Variants in DOK4 observed in about 807,000 individuals in gnomAD.
DOK4 encodes docking protein 4.
DOK4 carries 26 observed loss-of-function variants against 40.1 expected under a neutral mutation model. That is an observed-to-expected ratio of 0.65 (90% CI 0.48 to 0.90). DOK4 has a LOEUF of 0.90. Ranked by LOEUF, DOK4 falls within the 40% of genes least tolerant of loss-of-function variation. The probability of loss-of-function intolerance (pLI) is 0.00; values close to 1 mark genes in which losing one functional copy is unlikely to be tolerated. For missense variants in DOK4, 392 were observed against 437.2 expected (o/e 0.90, Z 0.92); for synonymous variants, 179 against 177.0 (o/e 1.01, Z -0.09).
In DOK4 at chr16:57,479,409, G is replaced by T; in HGVS notation, c.66+33C>A. 1 of 1,610,548 alleles carries T rather than the reference G, an allele frequency of 6.2e-7. No homozygotes were observed. The highest frequency in any genetic ancestry group is 1.1e-5 in the South Asian group (1 of 90,890). The stretch of plus-strand genomic sequence containing the variant: ...CCGAGTCCTCGGGCCCCCATCCCTT[G>T]GCAGGGCCCCTCCGCAGCTCAGGGT... On this transcript the variant is annotated intron_variant, in intron 2 of 8. Transcript: ENST00000340099. The surrounding 1 kb of genome is among the most constrained non-coding windows in gnomAD (Gnocchi z 5.8).
At chr16:57,476,820 C>T (rs1390732207) in intron 2 of DOK4, among the ~76,000 whole-genome samples, 2 of 152,210 alleles carry the variant, frequency 1.3e-5, no homozygotes, top group African/African-American at 2.4e-5. Flanking sequence ...TTCAGGGACT[C>T]CCCCAAGGGG....
Position 57,486,153 on chromosome 16 carries a change from A to C in DOK4, c.-182+152T>G, listed in dbSNP as rs556595068. 3.3e-5 allele frequency among the ~76,000 whole-genome samples: 5 copies of C among 152,050 alleles called. No homozygotes were observed. The East Asian group carries it at 9.7e-4, about 29-fold the overall frequency. On this transcript the variant is annotated intron_variant, in intron 1 of 8. Coordinates refer to ENST00000340099, the Ensembl canonical transcript of DOK4. ...CTGGCTTTTGGGGGGCGGGTCTCTA[A>C]GCTCCCCACCCGAGAGTAGGAAGGT...
At position 57,474,262 on chromosome 16, in the gene DOK4, C is replaced by T. The variant is rs537324333; in HGVS notation, c.600-223G>A. On this transcript the variant is annotated intron_variant, in intron 6 of 8. Transcript: ENST00000340099. Reference sequence around the variant, plus strand: ...TAAGAATTAACCCATTCAGTTTTCTCTACCACCTCCCTCTGGTCTCTGTAC... The same window carrying T: ...TAAGAATTAACCCATTCAGTTTTCTTTACCACCTCCCTCTGGTCTCTGTAC... 2.6e-5 allele frequency among the ~76,000 whole-genome samples: 4 copies of T among 152,324 alleles called. No individual in the cohort carries two copies. In the South Asian group the frequency reaches 8.3e-4, roughly 32 times the overall value.
intron 1 of DOK4, among the ~76,000 whole-genome samples, chr16:57,484,859 T>C (rs1198140579): frequency 6.6e-6 from 1 of 152,232 alleles, no homozygotes; most frequent in Non-Finnish European, 1.5e-5. Flanking sequence ...TGTTCTTACA[T>C]CTGTCCATTT....
chr16:57,476,020 C>T, intron 2 of DOK4, 63 bp from the exon 3 acceptor site: 1 of 1,380,340 alleles, frequency 7.2e-7, no homozygotes. Flanking sequence ...CAGCATGGCC[C>T]TGCAGCCACC....
chr16:57,479,561 C>T lies in DOK4; in HGVS notation c.-54G>A. On this transcript the variant is annotated 5_prime_UTR_variant, in exon 2 of 9. Coordinates refer to ENST00000340099, the Ensembl canonical transcript of DOK4. This position sits in a 1 kb window ranked among gnomAD's most constrained non-coding sequence, Gnocchi z 5.8. ...CCTGGCAGAGGCGAGGGGAAGGATG[C>T]CCAGGTGCCTGGGTCTCCGGCTCCT... 1.4e-5 allele frequency: 22 copies of T among 1,596,948 alleles called. No individual in the cohort carries two copies. The highest frequency in any genetic ancestry group is 1.9e-5 in the Non-Finnish European group (22 of 1,168,368).
intron 2 of DOK4, among the ~76,000 whole-genome samples, chr16:57,477,764 C>T (rs1366427010): frequency 1.3e-5 from 2 of 152,212 alleles, no homozygotes; most frequent in Admixed American, 6.5e-5. Flanking sequence ...TCTCTTTCAG[C>T]CCCTCCCCCC....
chr16:57,476,783 C>T (rs2031199590), intron 2 of DOK4, among the ~76,000 whole-genome samples: 1 of 152,204 alleles, frequency 6.6e-6, no homozygotes, highest in African/African-American at 2.4e-5. Context: ...TGCCCCTGTA[C>T]CTTAAACTAC....
intron 1 of DOK4, among the ~76,000 whole-genome samples, chr16:57,483,722 C>T (rs899017933): frequency 5.3e-5 from 8 of 152,172 alleles, no homozygotes; most frequent in African/African-American, 1.4e-4. Flanking sequence ...AGCCCCTGCC[C>T]TGTTTGTCCC....
chr16:57,483,921 C>G (rs910563754), intron 1 of DOK4: 2 of 152,304 alleles, frequency 1.3e-5, no homozygotes, highest in African/African-American at 4.8e-5. Flanking sequence ...CACCTCCCAG[C>G]CTGGTACCAA....
chr16:57,473,701 G>A (rs2030994214), exon 8 of DOK4: 1 of 1,614,042 alleles, frequency 6.2e-7, no homozygotes, highest in Non-Finnish European at 8.5e-7. Context: ...TGGGTGTGCA[G>A]GGATACGAGT....
intron 1 of DOK4, among the ~76,000 whole-genome samples, chr16:57,482,369 T>G (rs575294485): frequency 6.4e-5 from 9 of 140,926 alleles, no homozygotes; most frequent in African/African-American, 2.1e-4. Flanking sequence ...TTTTGTTTTT[T>G]TTTTTTTTTT....
chr16:57,487,135 C>G (rs888187958), upstream of DOK4: 2 of 149,350 alleles, frequency 1.3e-5, no homozygotes. Context: ...ACTCACTGAT[C>G]TGTCGGAATC....
At chr16:57,481,696 G>A (rs1236745570) in intron 1 of DOK4, 1 of 152,208 alleles carries the variant, frequency 6.6e-6, no homozygotes, top group Admixed American at 6.5e-5. Flanking sequence ...AGCACAGCCC[G>A]GAGTGTGAAT....
intron 6 of DOK4, among the ~76,000 whole-genome samples, chr16:57,474,375 C>T (rs2031042978): frequency 1.3e-5 from 2 of 152,090 alleles, no homozygotes; most frequent in Non-Finnish European, 2.9e-5. Context: ...GTAACTCAAC[C>T]AAGGTTCTGC....
chr16:57,475,695 T>TCTCTCTCC lies in DOK4; in HGVS notation c.175-76_175-75insGGAGAGAG, dbSNP rs1165529306. The TCTCTCTCC allele has an allele frequency of 1.4e-4, 101 of 738,172 alleles. No individual in the cohort carries two copies. The East Asian group carries it at 2.1e-3, about 15-fold the overall frequency. 45.7% of individuals were successfully genotyped at this position (738,172 alleles called of 1,614,324 possible). On this transcript the variant is annotated intron_variant, in intron 3 of 8. Transcript: ENST00000340099. ...CTCTCTCTCTCTCTCTCTCTCTCTCTCCCTCCCTCCCTCTCTCCCCCCTCC... is the reference window on the plus strand; with the variant it reads ...CTCTCTCTCTCTCTCTCTCTCTCTCTCTCTCTCCCCCTCCCTCCCTCTCTCCCCCCTCC...
In DOK4 at chr16:57,479,524, AG is replaced by A; in HGVS notation, c.-18del. On this transcript the variant is annotated 5_prime_UTR_variant, in exon 2 of 9. Coordinates refer to ENST00000340099, the Ensembl canonical transcript of DOK4. The surrounding 1 kb of genome is among the most constrained non-coding windows in gnomAD (Gnocchi z 5.8). ...GGTCGCCATGGTTTTCCCACCTTTT[AG>A]GGGCGCGGGGCCTGGCAGAGGCGAG... is the stretch of plus-strand genomic sequence containing the variant. The A allele has an allele frequency of 6.2e-7, 1 of 1,612,906 alleles. No individual in the cohort carries two copies.
At chr16:57,475,116 C>G (rs776178420) in exon 5 of DOK4, 1 of 1,613,748 alleles carries the variant, frequency 6.2e-7, no homozygotes, top group Non-Finnish European at 8.5e-7. Context: ...GTTCACACTG[C>G]ACCCCTGGGG....
In DOK4 at chr16:57,479,843, A is replaced by T; in HGVS notation, c.-181-155T>A. 4.6e-6 allele frequency: 1 copy of T among 217,982 alleles called. No individual in the cohort carries two copies. Among genetic ancestry groups the T allele is most frequent in the Admixed American group, 6.3e-5 (1 of 15,992 alleles). The allele number at this position is 217,982 out of a possible 1,614,324, so 13.5% of individuals were successfully genotyped here. A position where few individuals can be genotyped will look rare whatever the true frequency, so the allele number is the denominator to read the frequency against. On this transcript the variant is annotated intron_variant, in intron 1 of 8. Coordinates refer to ENST00000340099, the Ensembl canonical transcript of DOK4. The surrounding 1 kb of genome is among the most constrained non-coding windows in gnomAD (Gnocchi z 5.8). ...CCCTTCTTCCTTCCCTTCCCTCCCCACCCCAGGACGACAGAACCATTCAGG... is the reference window on the plus strand; with the variant it reads ...CCCTTCTTCCTTCCCTTCCCTCCCCTCCCCAGGACGACAGAACCATTCAGG...
Sources: gnomAD v4.1 joint callset for allele counts (sites outside exome capture counted in the v4.1 genomes callset) on GRCh38, gnomAD v4.1.1 for gene constraint, Gnocchi (gnomAD v3.1) non-coding constraint, MANE v1.5 for transcripts, NCBI Gene and HGNC (gene_info 2026-07-23, HGNC 2026-07-21) for gene names.